The following CNOT2 variants were observed in gnomAD, a reference collection of about 807,000 sequenced individuals.
CNOT2 encodes the protein CC chemokine receptor 4-negative regulator of transcription 2.
CNOT2 carries 7 observed loss-of-function variants against 72.1 expected under a neutral mutation model. That is an observed-to-expected ratio of 0.10 (90% CI 0.06 to 0.18). The LOEUF (loss-of-function observed/expected upper bound fraction) is 0.18. Ranked by LOEUF, CNOT2 falls within the 10% of genes least tolerant of loss-of-function variation. The pLI, the probability that CNOT2 is intolerant of heterozygous loss-of-function variation, is 1.00. For missense variants in CNOT2, 345 were observed against 660.3 expected, an observed-to-expected ratio of 0.52 and a Z score of 5.23; for synonymous variants, 196 against 225.6, an observed-to-expected ratio of 0.87 and a Z score of 1.17.
At chr12:70,256,265 T>A (rs1228344641) in intron 1 of CNOT2, among the ~76,000 whole-genome samples, 1 of 152,178 alleles carries the variant, frequency 6.6e-6, no homozygotes, top group Non-Finnish European at 1.5e-5. Context: ...CAAAATAGTT[T>A]CAGATTTATC....
At chr12:70,244,041 C>T (rs1427537718) in intron 1 of CNOT2, 1 of 152,352 alleles carries the variant, frequency 6.6e-6, no homozygotes, top group Non-Finnish European at 1.5e-5. Context: ...ATGTGTATTT[C>T]TGTTAGTGTG....
At chr12:70,270,983 T>C (rs796085037) in intron 1 of CNOT2, among the ~76,000 whole-genome samples, 2 of 152,346 alleles carry the variant, frequency 1.3e-5, no homozygotes, top group African/African-American at 4.8e-5. Context: ...TTTAGGAAAC[T>C]TTTGGTTCAA....
chr12:70,280,820 C>A (rs76404624), intron 2 of CNOT2, among the ~76,000 whole-genome samples: 2,045 of 152,146 alleles, frequency 0.013, 45 homozygotes, highest in African/African-American at 0.046. Flanking sequence ...AGTTTAAGCC[C>A]AGTTAGGTAT....
At chr12:70,342,381 C>CAT in intron 13 of CNOT2, 74 bp downstream of exon 13, 1 of 1,539,676 alleles carries the variant, frequency 6.5e-7, no homozygotes, top group Non-Finnish European at 8.9e-7. Flanking sequence ...GTTCAGGCAG[C>CAT]ATACTATTTT....
intron 3 of CNOT2, among the ~76,000 whole-genome samples, chr12:70,316,905 G>A (rs373926024): frequency 6.6e-5 from 10 of 152,234 alleles, no homozygotes; most frequent in African/African-American, 2.2e-4. Context: ...TAAAATGTGT[G>A]TTGTCTGGAG....
At chr12:70,243,592 C>T (rs1195861632) in intron 1 of CNOT2, 112 bp downstream of exon 1, 1 of 151,876 alleles carries the variant, frequency 6.6e-6, no homozygotes, top group Non-Finnish European at 1.5e-5. Flanking sequence ...CGGTCGCGCC[C>T]AGGGTCCGCC....
intron 1 of CNOT2, among the ~76,000 whole-genome samples, chr12:70,261,305 CTTTTTTTTTTTTT>C (rs71437141): frequency 2.1e-4 from 9 of 43,340 alleles, no homozygotes; most frequent in Non-Finnish European, 2.9e-4. Flanking sequence ...TTCTTTCTTT[CTTTTTTTTTTTTT>C]TTTTTTTTTT....
intron 11 of CNOT2, 184 bp from the exon 12 acceptor site, chr12:70,341,923 A>G (rs1185689199): frequency 3.6e-5 from 22 of 613,820 alleles, no homozygotes; most frequent in Non-Finnish European, 5.2e-5. Flanking sequence ...GTCCTATCAT[A>G]TTTTACAGAC....
At chr12:70,328,571 T>C (rs1363140549) in intron 4 of CNOT2, among the ~76,000 whole-genome samples, 1 of 151,932 alleles carries the variant, frequency 6.6e-6, no homozygotes, top group Non-Finnish European at 1.5e-5. Context: ...GTATGCTGTC[T>C]ATGATAATTA....
chr12:70,245,863 T>C (rs1258329084), intron 1 of CNOT2, among the ~76,000 whole-genome samples: 1 of 152,192 alleles, frequency 6.6e-6, no homozygotes, highest in East Asian at 1.9e-4. Flanking sequence ...TTTACAGTTA[T>C]TGTAATCTGA....
chr12:70,304,519 T>A (rs1389101818), intron 2 of CNOT2, among the ~76,000 whole-genome samples: 2 of 152,202 alleles, frequency 1.3e-5, no homozygotes, highest in African/African-American at 4.8e-5. Flanking sequence ...GAAGAGCAGA[T>A]ATTGGTGAAC....
rs766913194 is a variant in CNOT2, at chr12:70,278,199, C to G, written c.-28C>G. 4.1e-6 allele frequency: 6 copies of G among 1,454,234 alleles called. No individual in the cohort carries two copies. In the Admixed American group the frequency reaches 1.1e-4, roughly 26 times the overall value. 90.1% of individuals were successfully genotyped at this position (1,454,234 alleles called of 1,614,324 possible). A position where few individuals can be genotyped will look rare whatever the true frequency, so the allele number is the denominator to read the frequency against. ...AGTGACAGTTCTATTTGATTGCCTC[C>G]GGTACTGTGAGGAAAGGACACGACT... On this transcript the variant is annotated 5_prime_UTR_variant, in exon 2 of 16. Coordinates refer to ENST00000229195, the MANE Select transcript of CNOT2 (RefSeq NM_014515.7).
intron 15 of CNOT2, 152 bp from the exon 16 acceptor site, chr12:70,353,677 G>A: frequency 7.6e-7 from 1 of 1,312,576 alleles, no homozygotes; most frequent in Non-Finnish European, 1.0e-6. Context: ...TCTTCAAGCT[G>A]TATTTTATGT....
At position 70,354,325 on chromosome 12, in the gene CNOT2, A is replaced by C. The variant is rs1883232754; in HGVS notation, c.*410A>C. On this transcript the variant is annotated 3_prime_UTR_variant, in exon 16 of 16. Coordinates refer to ENST00000229195, the MANE Select transcript of CNOT2 (RefSeq NM_014515.7). ...GTTCATTGTAGCACTATTGGTAATA[A>C]AATAACAAATGTTTGTGCATTTTTA... The C allele has an allele frequency of 6.0e-6, 1 of 165,466 alleles. No homozygotes were observed. 10.2% of individuals were successfully genotyped at this position (165,466 alleles called of 1,614,324 possible). A position where few individuals can be genotyped will look rare whatever the true frequency, so the allele number is the denominator to read the frequency against.
intron 4 of CNOT2, among the ~76,000 whole-genome samples, chr12:70,326,554 AT>A (rs1879110048): frequency 6.6e-6 from 1 of 150,926 alleles, no homozygotes; most frequent in Non-Finnish European, 1.5e-5. Flanking sequence ...GAGAGATTAG[AT>A]TTTTTTCCCC....
At chr12:70,301,454 C>A (rs1873954156) in intron 2 of CNOT2, among the ~76,000 whole-genome samples, 1 of 150,480 alleles carries the variant, frequency 6.6e-6, no homozygotes. Flanking sequence ...TTGTCAAAGG[C>A]CTTTTCTGCA....
At chr12:70,320,018 C>T (rs1878025224) in intron 4 of CNOT2, among the ~76,000 whole-genome samples, 1 of 151,582 alleles carries the variant, frequency 6.6e-6, no homozygotes, top group Admixed American at 6.6e-5. Flanking sequence ...TTTTATAAAA[C>T]TAAACAATAA....
intron 6 of CNOT2, chr12:70,332,271 T>C (rs1880069941): frequency 6.6e-6 from 1 of 151,862 alleles, no homozygotes; most frequent in African/African-American, 2.4e-5. Flanking sequence ...GGGAGGAGTA[T>C]GACATAAACT....
intron 1 of CNOT2, among the ~76,000 whole-genome samples, chr12:70,267,147 G>A (rs1328275198): frequency 2.0e-5 from 3 of 151,996 alleles, no homozygotes; most frequent in African/African-American, 7.3e-5. Flanking sequence ...TATTATGTCA[G>A]TTTCCTGGGG....
Sources: allele counts gnomAD v4.1 joint callset (sites outside exome capture counted in the v4.1 genomes callset), GRCh38; gene constraint gnomAD v4.1.1; transcripts MANE v1.5; gene names NCBI Gene and HGNC (gene_info 2026-07-23, HGNC 2026-07-21).